Variants in ZNF10 observed in about 807,000 individuals in gnomAD.
ZNF10 encodes zinc finger protein 10 (KOX 1).
ZNF10 carries 8 observed loss-of-function variants against 12.2 expected under a neutral mutation model. The observed-to-expected ratio is 0.66, with a 90% CI of 0.39 to 1.18. ZNF10 has a LOEUF of 1.18. Among genes scored for constraint, ZNF10 ranks in the 50% most tolerant of loss-of-function variants. The pLI is 0.01. For synonymous variants in ZNF10, 229 were observed against 228.2 expected (o/e 1.00, Z -0.03); for missense variants, 603 against 678.9 (o/e 0.89, Z 1.24).
intron 1 of ZNF10, among the ~76,000 whole-genome samples, chr12:133,141,052 C>T (rs933725494): frequency 2.0e-5 from 3 of 152,156 alleles, no homozygotes; most frequent in Non-Finnish European, 4.4e-5. Context: ...CTATTCCCAC[C>T]AGCCAGACTG....
At chr12:133,146,120 A>G (rs951443756) in intron 2 of ZNF10, among the ~76,000 whole-genome samples, 2 of 152,334 alleles carry the variant, frequency 1.3e-5, no homozygotes, top group Middle Eastern at 3.4e-3. Context: ...GAACTTCAGT[A>G]ATACGAGAAT....
chr12:133,144,459 C>G lies in ZNF10; in HGVS notation c.-34C>G, dbSNP rs1164557968. The G allele has an allele frequency of 2.5e-6, 4 of 1,611,554 alleles. No individual in the cohort carries two copies. In the African/African-American group the frequency reaches 5.3e-5, roughly 22 times the overall value. The stretch of plus-strand genomic sequence containing the variant: ...CTTTGTCTCCTCAGCACTCTGCTGT[C>G]ACTCAAGGAAGTATCATCAAGAACA... On this transcript the variant is annotated 5_prime_UTR_variant, in exon 2 of 5. Coordinates refer to ENST00000248211, the MANE Select transcript of ZNF10 (RefSeq NM_015394.5).
Position 133,156,597 on chromosome 12 carries a change from C to T in ZNF10, c.1351C>T (p.His451Tyr). The change falls in exon 5 of 5, where the codon CAT (histidine) becomes TAT (tyrosine). Residue 451 changes from histidine (H) to tyrosine (Y), a missense_variant. Around this residue, in one of 3 missense-constraint regions of ZNF10, gnomAD observed 204 missense variants for 262.8 expected, o/e 0.78. Coordinates refer to ENST00000248211, the MANE Select transcript of ZNF10 (RefSeq NM_015394.5). ...TAGTCGAAGCTCTCACCTTTATTCACATCAAAGAACCCACACTGGAGAGAA... is the reference window on the plus strand; with the variant it reads ...TAGTCGAAGCTCTCACCTTTATTCATATCAAAGAACCCACACTGGAGAGAA... ...CFSRSSHLYS[H>Y]QRTHTGEKPY... 1 of 1,613,872 alleles carries T rather than the reference C, an allele frequency of 6.2e-7. No individual in the cohort carries two copies.
intron 4 of ZNF10, among the ~76,000 whole-genome samples, chr12:133,152,896 A>G (rs899925006): frequency 5.3e-5 from 8 of 152,226 alleles, no homozygotes; most frequent in Non-Finnish European, 1.0e-4. Flanking sequence ...CCTCTTCTGA[A>G]CTTCCACTTA....
intron 1 of ZNF10, among the ~76,000 whole-genome samples, chr12:133,138,633 A>T (rs554249562): frequency 1.2e-4 from 18 of 152,314 alleles, no homozygotes; most frequent in African/African-American, 3.6e-4. Context: ...TATTCCGAGG[A>T]TAGGATGTGC....
intron 1 of ZNF10, among the ~76,000 whole-genome samples, chr12:133,138,683 T>C (rs990605072): frequency 6.6e-6 from 1 of 152,190 alleles, no homozygotes; most frequent in Non-Finnish European, 1.5e-5. Flanking sequence ...TGTAAGTAAT[T>C]TTTTTCAGGC....
At chr12:133,144,628 G>T in intron 2 of ZNF10, 103 bp downstream of exon 2, 1 of 1,233,254 alleles carries the variant, frequency 8.1e-7, no homozygotes, top group South Asian at 1.3e-5. Context: ...CAGCAGACTA[G>T]AATTAGGTTT....
In ZNF10 at chr12:133,151,082, C is replaced by G. The variant is rs2135463601; in HGVS notation, c.88C>G (p.Leu30Val). Residue 30 changes from leucine to valine, a missense_variant, in exon 3 of 5, where the codon CTG (leucine) becomes GTG (valine). Leu to Val is a conservative substitution (Grantham distance 32). Around this residue, in one of 3 missense-constraint regions of ZNF10, gnomAD observed 393 missense variants for 399.7 expected, o/e 0.98. Coordinates refer to ENST00000248211, the MANE Select transcript of ZNF10 (RefSeq NM_015394.5). ...GGACTTCACCAGGGAGGAGTGGAAG[C>G]TGCTGGACACTGCTCAGCAGATCGT... ...FVDFTREEWKLLDTAQQIVYR... is the reference protein window; with the variant it reads ...FVDFTREEWKVLDTAQQIVYR... 1.9e-6 allele frequency: 3 copies of G among 1,613,782 alleles called. No homozygotes were observed. In the Middle Eastern group the frequency reaches 4.9e-4, roughly 266 times the overall value.
At chr12:133,137,653 G>C (rs562754669) in intron 1 of ZNF10, among the ~76,000 whole-genome samples, 1 of 152,308 alleles carries the variant, frequency 6.6e-6, no homozygotes, top group South Asian at 2.1e-4. Flanking sequence ...CTGTAAATGT[G>C]TGTTTTCAGT....
Position 133,150,973 on chromosome 12 carries a change from AG to A in ZNF10, c.34-50del, listed in dbSNP as rs551359183. The stretch of plus-strand genomic sequence containing the variant: ...TTCTCTTCCTGTTAGCGATCAGGAA[AG>A]GGGGATAGCAAAGATGCATATCTGG... On this transcript the variant is annotated intron_variant, in intron 2 of 4. Transcript: ENST00000248211. 4.9e-4 allele frequency: 769 copies of A among 1,584,380 alleles called. 3 individuals are homozygous for A. The African/African-American group carries it at 9.3e-3, about 19-fold the overall frequency.
chr12:133,147,337 A>T (rs1298177195), intron 2 of ZNF10, among the ~76,000 whole-genome samples: 2 of 152,244 alleles, frequency 1.3e-5, no homozygotes, highest in Non-Finnish European at 2.9e-5. Context: ...CAAATTTTCC[A>T]AAGTGGTTGT....
intron 1 of ZNF10, 141 bp from the exon 2 acceptor site, chr12:133,144,293 T>G: frequency 2.2e-6 from 1 of 460,814 alleles, no homozygotes; most frequent in Non-Finnish European, 3.8e-6. Context: ...CACTGTAGAT[T>G]TGCTTATAGA....
intron 4 of ZNF10, among the ~76,000 whole-genome samples, chr12:133,155,019 A>G (rs1357003638): frequency 1.3e-5 from 2 of 151,946 alleles, no homozygotes; most frequent in Admixed American, 1.3e-4. Flanking sequence ...CGGAGGTTGC[A>G]TTGAGCCAAG....
rs1354545705 is a variant in ZNF10 at position 133,156,652 on chromosome 12, C to A, written c.1406C>A (p.Ser469Tyr). ...KPYECHDCGK[S>Y]FSQSSALIVH... is the part of the protein sequence containing the mutation. ...TATGAGTGTCATGATTGTGGAAAAT[C>A]TTTCAGCCAGAGTTCTGCCCTTATT... The change falls in exon 5 of 5, where the codon TCT (serine) becomes TAT (tyrosine). Residue 469 changes from serine (S) to tyrosine (Y), a missense_variant. By Grantham distance (144) the Ser-to-Tyr change is moderately radical. Transcript: ENST00000248211. The A allele has an allele frequency of 6.2e-7, 1 of 1,613,976 alleles. No individual in the cohort carries two copies. Among genetic ancestry groups the A allele is most frequent in the Non-Finnish European group, 8.5e-7 (1 of 1,179,996 alleles).
At chr12:133,154,442 T>C (rs910340655) in intron 4 of ZNF10, among the ~76,000 whole-genome samples, 8 of 152,194 alleles carry the variant, frequency 5.3e-5, no homozygotes, top group African/African-American at 1.9e-4. Context: ...TGATGATGAT[T>C]ATTGTAAATC....
chr12:133,145,782 G>A (rs959884323), intron 2 of ZNF10, among the ~76,000 whole-genome samples: 1 of 151,648 alleles, frequency 6.6e-6, no homozygotes, highest in Non-Finnish European at 1.5e-5. Flanking sequence ...TCCAGCCCGC[G>A]TGTCAGAGCA....
rs1955963931 is a variant in ZNF10, at chr12:133,144,414, T to G, written c.-59-20T>G. On this transcript the variant is annotated intron_variant, in intron 1 of 4. Coordinates refer to ENST00000248211, the MANE Select transcript of ZNF10 (RefSeq NM_015394.5). ...TCCCAGTCATAGCAAACTTAACTTA[T>G]GTTTCTTTCTTTTTCCCAGCTTTGT... The G allele has an allele frequency of 4.7e-6, 7 of 1,496,434 alleles. No individual in the cohort carries two copies. Among genetic ancestry groups the G allele is most frequent in the Admixed American group, 1.8e-5 (1 of 55,168 alleles). The allele number at this position is 1,496,434 out of a possible 1,614,324, so 92.7% of individuals were successfully genotyped here.
intron 1 of ZNF10, among the ~76,000 whole-genome samples, chr12:133,132,554 A>G (rs1233841927): frequency 6.6e-6 from 1 of 151,344 alleles, no homozygotes; most frequent in Non-Finnish European, 1.5e-5. Context: ...GAAATTTCTT[A>G]TTGTTAATAT....
chr12:133,150,933 T>C lies in ZNF10; in HGVS notation c.34-95T>C, dbSNP rs562077100. 1.6e-5 allele frequency: 23 copies of C among 1,479,036 alleles called. No homozygotes were observed. In the Admixed American group the frequency reaches 4.4e-4, roughly 28 times the overall value. 91.6% of individuals were successfully genotyped at this position (1,479,036 alleles called of 1,614,324 possible). On this transcript the variant is annotated intron_variant, in intron 2 of 4. Coordinates refer to ENST00000248211, the MANE Select transcript of ZNF10 (RefSeq NM_015394.5). ...GGTCCATCCACTTTACCTGCCCCAG[T>C]GCTGTCAGCTTAATTTCTCTTCCTG...
Sources: gnomAD v4.1 joint callset for allele counts (sites outside exome capture counted in the v4.1 genomes callset) on GRCh38, gnomAD v4.1.1 for gene constraint, gnomAD v4.1.1 regional missense constraint, MANE v1.5 for transcripts, NCBI Gene and HGNC (gene_info 2026-07-23, HGNC 2026-07-21) for gene names.